The following TMEM63A variants were observed in gnomAD, a reference collection of about 807,000 sequenced individuals.
TMEM63A encodes transmembrane protein 63A.
A neutral mutation model predicts 100.6 loss-of-function variants in TMEM63A; 76 were observed. The observed-to-expected ratio is 0.76, with a 90% CI of 0.63 to 0.91. The LOEUF is 0.91. Ranked by LOEUF, TMEM63A falls within the 40% of genes least tolerant of loss-of-function variation. TMEM63A has a pLI of 0.00. For missense variants in TMEM63A, 876 were observed against 1,008.8 expected (o/e 0.87, Z 1.78); for synonymous variants, 401 against 401.1 (o/e 1.00, Z 0.00).
chr1:225,858,775 G>A (rs1669776173), intron 15 of TMEM63A, among the ~76,000 whole-genome samples: 1 of 151,776 alleles, frequency 6.6e-6, no homozygotes, highest in Non-Finnish European at 1.5e-5. Flanking sequence ...GTACATCCCT[G>A]CTTCTGTCAG....
chr1:225,872,063 C>CA lies in TMEM63A; in HGVS notation c.267-11dup. 2 of 1,405,952 alleles carry CA rather than the reference C, an allele frequency of 1.4e-6. No individual in the cohort carries two copies. Among genetic ancestry groups the CA allele is most frequent in the African/African-American group, 3.2e-5 (2 of 63,444 alleles). The allele number at this position is 1,405,952 out of a possible 1,614,324, so 87.1% of individuals were successfully genotyped here. A position where few individuals can be genotyped will look rare whatever the true frequency, so the allele number is the denominator to read the frequency against. On this transcript the variant is annotated splice_polypyrimidine_tract_variant and intron_variant, in intron 4 of 24. Coordinates refer to ENST00000366835, the MANE Select transcript of TMEM63A (RefSeq NM_014698.3). ...CTGAAATCTGGACTCGCTAGAGACA[C>CA]AAAAAGAAAAAAAATGACAGATAAT... is the stretch of plus-strand genomic sequence containing the variant.
Position 225,876,640 on chromosome 1 carries a change from T to G in TMEM63A, c.186+755A>C, listed in dbSNP as rs555037947. Among the ~76,000 whole-genome samples, 3 of 101,060 alleles carry G rather than the reference T, an allele frequency of 3.0e-5. No homozygotes were observed. The South Asian group carries it at 8.3e-4, about 28-fold the overall frequency. The allele number at this position is 101,060 out of a possible 152,430, so 66.3% of individuals were successfully genotyped here. On this transcript the variant is annotated intron_variant, in intron 3 of 24. Coordinates refer to ENST00000366835, the MANE Select transcript of TMEM63A (RefSeq NM_014698.3). ...CGCTCTAAGAATCAGCTTCTAATTC[T>G]TTTTTTTGTTTTTTTGGTTTTTTTT...
At chr1:225,870,434 A>G (rs1360516656) in intron 6 of TMEM63A, among the ~76,000 whole-genome samples, 1 of 48,848 alleles carries the variant, frequency 2.0e-5, no homozygotes, top group Non-Finnish European at 3.8e-5. Flanking sequence ...CAAGACTCAC[A>G]TCAGTCCCCG....
At position 225,874,240 on chromosome 1, in the gene TMEM63A, TCA is replaced by T. The variant is rs775114432; in HGVS notation, c.266+46_266+47del. 3.8e-6 allele frequency: 6 copies of T among 1,562,024 alleles called. No individual in the cohort carries two copies. In the South Asian group the frequency reaches 6.8e-5, roughly 18 times the overall value. On this transcript the variant is annotated intron_variant, in intron 4 of 24. Coordinates refer to ENST00000366835, the MANE Select transcript of TMEM63A (RefSeq NM_014698.3). ...TACACACTCACGCACATATACACAC[TCA>T]CACGTACGCACACGCATGCTCACAG...
At position 225,865,301 on chromosome 1, in the gene TMEM63A, C is replaced by G. The variant is rs1559044886; in HGVS notation, c.746+596G>C. On this transcript the variant is annotated intron_variant, in intron 10 of 24. Coordinates refer to ENST00000366835, the MANE Select transcript of TMEM63A (RefSeq NM_014698.3). The surrounding 1 kb of genome is among the most constrained non-coding windows in gnomAD (Gnocchi z 4.6). ...GCCTTTCCCCGCATCCCTGGCTGCACACGTAATCTCCTCACAGGAAAGACT... is the reference window on the plus strand; with the variant it reads ...GCCTTTCCCCGCATCCCTGGCTGCAGACGTAATCTCCTCACAGGAAAGACT... 1 of 152,632 alleles carries G rather than the reference C, an allele frequency of 6.6e-6. No homozygotes were observed. Among genetic ancestry groups the G allele is most frequent in the African/African-American group, 2.4e-5 (1 of 41,518 alleles). The allele number at this position is 152,632 out of a possible 1,614,324, so 9.5% of individuals were successfully genotyped here. A position where few individuals can be genotyped will look rare whatever the true frequency, so the allele number is the denominator to read the frequency against.
chr1:225,856,831 TG>T, intron 16 of TMEM63A, 79 bp downstream of exon 16: 2 of 1,583,128 alleles, frequency 1.3e-6, no homozygotes, highest in Non-Finnish European at 1.7e-6. Context: ...CCTGAGCAGC[TG>T]GGGGGTTAGG....
At chr1:225,855,094 C>T (rs1380018339) in intron 18 of TMEM63A, among the ~76,000 whole-genome samples, 1 of 152,174 alleles carries the variant, frequency 6.6e-6, no homozygotes, top group Non-Finnish European at 1.5e-5. Flanking sequence ...TCAGCTTACT[C>T]AGCAAGAACT....
In TMEM63A at chr1:225,866,766, T is replaced by A. The variant is rs112849657; in HGVS notation, c.567-84A>T. The A allele has an allele frequency of 2.4e-4, 301 of 1,272,644 alleles. No individual in the cohort carries two copies. In the African/African-American group the frequency reaches 4.0e-3, roughly 17 times the overall value. 78.8% of individuals were successfully genotyped at this position (1,272,644 alleles called of 1,614,324 possible). A position where few individuals can be genotyped will look rare whatever the true frequency, so the allele number is the denominator to read the frequency against. ...AGAGCTGGGGCCTGGTTACCCTCAGTGGGCACTGAACTGAGGACCAACAGC... is the reference window on the plus strand; with the variant it reads ...AGAGCTGGGGCCTGGTTACCCTCAGAGGGCACTGAACTGAGGACCAACAGC... On this transcript the variant is annotated intron_variant, in intron 8 of 24. Coordinates refer to ENST00000366835, the MANE Select transcript of TMEM63A (RefSeq NM_014698.3).
At chr1:225,844,440 C>T, downstream of TMEM63A, 1 of 1,613,494 alleles carries the variant, frequency 6.2e-7, no homozygotes, top group Non-Finnish European at 8.5e-7. Context: ...TCTGGCTGCC[C>T]TTTGTCACAC....
chr1:225,855,587 T>C (rs968658977), intron 18 of TMEM63A, among the ~76,000 whole-genome samples: 1 of 152,096 alleles, frequency 6.6e-6, no homozygotes, highest in African/African-American at 2.4e-5. Context: ...CTTCTCCCCA[T>C]GTGACTCTGT....
intron 15 of TMEM63A, among the ~76,000 whole-genome samples, chr1:225,857,630 A>G (rs1232448819): frequency 6.6e-6 from 1 of 152,240 alleles, no homozygotes; most frequent in Non-Finnish European, 1.5e-5. Context: ...GCTGTTAATT[A>G]GATGAGAGTA....
intron 10 of TMEM63A, chr1:225,863,125 C>G (rs949431267): frequency 4.6e-6 from 2 of 435,698 alleles, no homozygotes; most frequent in Non-Finnish European, 8.5e-6. Context: ...ACAATCATGG[C>G]TCACTGTAGC....
intron 10 of TMEM63A, among the ~76,000 whole-genome samples, chr1:225,863,526 A>C (rs1308779323): frequency 6.6e-6 from 1 of 152,140 alleles, no homozygotes; most frequent in African/African-American, 2.4e-5. Context: ...CCATCACTGA[A>C]ATCCTATTCA....
At chr1:225,844,472 T>TG, downstream of TMEM63A, 1 of 1,613,764 alleles carries the variant, frequency 6.2e-7, no homozygotes, top group Non-Finnish European at 8.5e-7. Context: ...GCACTGAGAG[T>TG]GGGGCTTTGT....
rs1669911912 is a variant in TMEM63A, at chr1:225,861,083, G to A, written c.1086-86C>T. The A allele has an allele frequency of 4.1e-6, 6 of 1,462,798 alleles. No individual in the cohort carries two copies. The South Asian group carries it at 6.8e-5, about 17-fold the overall frequency. 90.6% of individuals were successfully genotyped at this position (1,462,798 alleles called of 1,614,324 possible). The stretch of plus-strand genomic sequence containing the variant: ...GCAAGTGGGGACTGAGTAGGAGTGG[G>A]AGGCAGTGGCATAGGACCTTTGCTT... On this transcript the variant is annotated intron_variant, in intron 13 of 24. Transcript: ENST00000366835.
Position 225,848,951 on chromosome 1 carries a change from G to A in TMEM63A, c.2133C>T (p.Cys711=). 1 of 1,598,800 alleles carries A rather than the reference G, an allele frequency of 6.3e-7. No homozygotes were observed. Among genetic ancestry groups the A allele is most frequent in the South Asian group, 1.1e-5 (1 of 88,862 alleles). Residue 711 remains cysteine (C), a synonymous_variant, in exon 22 of 25, where the codon TGC becomes TGT. Coordinates refer to ENST00000366835, the MANE Select transcript of TMEM63A (RefSeq NM_014698.3). ...AGCATCCAAAGCAGGTGTGAGCCAG[G>A]CAGACCAGGATGGTGAGCAGCAGCA... ...FLVLLLTILV[C]LAHTCFGCFK...
At chr1:225,851,332 GGTGC>G (rs1054424621) in intron 20 of TMEM63A, among the ~76,000 whole-genome samples, 3 of 152,046 alleles carry the variant, frequency 2.0e-5, no homozygotes, top group Non-Finnish European at 2.9e-5. Context: ...ACAGAAAGTG[GGTGC>G]TGCCTTTTCT....
At chr1:225,860,784 C>A in intron 14 of TMEM63A, 76 bp downstream of exon 14, 1 of 1,488,842 alleles carries the variant, frequency 6.7e-7, no homozygotes, top group South Asian at 1.4e-5. Context: ...CAGGTCACAC[C>A]TGTGCTCCAG....
chr1:225,858,542 C>G (rs1034193865), intron 15 of TMEM63A, among the ~76,000 whole-genome samples: 1 of 152,132 alleles, frequency 6.6e-6, no homozygotes, highest in African/African-American at 2.4e-5. Flanking sequence ...CCAGGCTAGT[C>G]TCGAACTCCT....
Sources: allele counts gnomAD v4.1 joint callset (sites outside exome capture counted in the v4.1 genomes callset), GRCh38; gene constraint gnomAD v4.1.1; non-coding constraint Gnocchi (gnomAD v3.1); transcripts MANE v1.5; gene names NCBI Gene and HGNC (gene_info 2026-07-23, HGNC 2026-07-21).